Variants in CRACDL observed in about 807,000 individuals in gnomAD.
The protein encoded by CRACDL is CRACD-like protein.
In CRACDL, 26 loss-of-function variants were observed where a neutral mutation model predicts 70.6. The ratio of observed to expected loss-of-function variants is 0.37; its 90% confidence interval spans 0.27 to 0.51. The LOEUF is 0.51. Among genes scored for constraint, CRACDL ranks in the 20% least tolerant of loss-of-function variants. CRACDL has a pLI of 0.94. For missense variants in CRACDL, 1,283 were observed against 1,376.9 expected, an observed-to-expected ratio of 0.93 and a Z score of 1.08; for synonymous variants, 618 against 615.2, an observed-to-expected ratio of 1.00 and a Z score of -0.07.
In CRACDL at chr2:98,881,652, G is replaced by A. The variant is rs138410935; in HGVS notation, c.-10-34842C>T. On this transcript the variant is annotated intron_variant, in intron 1 of 9. Coordinates refer to ENST00000397899, the MANE Select transcript of CRACDL (RefSeq NM_207362.3). ...CATCAGGGGAGCCTTCAGCTGGGGC[G>A]CCATGTATATGCAAATGGGGCTCAC... Among the ~76,000 whole-genome samples, 1,134 of 152,286 alleles carry A rather than the reference G, an allele frequency of 7.4e-3. 5 individuals carry two copies. The highest frequency in any genetic ancestry group is 0.013 in the Non-Finnish European group (858 of 68,026).
Position 98,838,151 on chromosome 2 carries a change from C to T in CRACDL, c.207G>A (p.Gly69=), listed in dbSNP as rs1160464449. The T allele has an allele frequency of 6.2e-7, 1 of 1,613,312 alleles. No individual in the cohort carries two copies. Among genetic ancestry groups the T allele is most frequent in the African/African-American group, 1.3e-5 (1 of 74,872 alleles). ...CATCCTCGGAGTCGTAGCCCACTGG[C>T]CCGGATTCGATGGCAATGACCTCAT... ...TRNEVIAIES[G]PVGYDSEDEL... is the part of the protein sequence containing the mutation. Residue 69 remains glycine (G), a synonymous_variant, in exon 3 of 10, where the codon GGG becomes GGA. Transcript: ENST00000397899.
intron 7 of CRACDL, among the ~76,000 whole-genome samples, chr2:98,802,271 C>T (rs901297460): frequency 6.6e-6 from 1 of 152,254 alleles, no homozygotes; most frequent in Admixed American, 6.5e-5. Context: ...ACCGCAGTCC[C>T]GCTATCCACG....
chr2:98,795,092 T>TTTTTTTTTTA (rs1378998981), intron 9 of CRACDL, among the ~76,000 whole-genome samples: 1 of 134,300 alleles, frequency 7.4e-6, no homozygotes, highest in Non-Finnish European at 1.6e-5. Context: ...TTTTTTTTTT[T>TTTTTTTTTTA]GAGACAGAAG....
intron 1 of CRACDL, among the ~76,000 whole-genome samples, chr2:98,894,582 T>C (rs1479625951): frequency 6.6e-6 from 1 of 152,124 alleles, no homozygotes; most frequent in Non-Finnish European, 1.5e-5. Flanking sequence ...AATATATTTA[T>C]ATATACGCAA....
chr2:98,872,949 C>T (rs541525610), intron 1 of CRACDL, among the ~76,000 whole-genome samples: 33 of 152,322 alleles, frequency 2.2e-4, no homozygotes, highest in Non-Finnish European at 4.1e-4. Context: ...TTTCTGACTT[C>T]GCATGCATTT....
intron 7 of CRACDL, among the ~76,000 whole-genome samples, chr2:98,816,272 A>G (rs1704780047): frequency 6.6e-6 from 1 of 152,138 alleles, no homozygotes; most frequent in South Asian, 2.1e-4. Flanking sequence ...TTAGGGTTTT[A>G]TGACGTATCA....
At chr2:98,899,401 T>C (rs2104652423) in intron 1 of CRACDL, among the ~76,000 whole-genome samples, 1 of 151,812 alleles carries the variant, frequency 6.6e-6, no homozygotes, top group South Asian at 2.1e-4. Flanking sequence ...GTTGAAGGAG[T>C]CTCCACCAGA....
At chr2:98,805,801 A>G (rs1704266621) in intron 7 of CRACDL, among the ~76,000 whole-genome samples, 2 of 152,200 alleles carry the variant, frequency 1.3e-5, no homozygotes, top group Non-Finnish European at 2.9e-5. Flanking sequence ...AGGGCTCCTC[A>G]GCCGGCTCTC....
intron 7 of CRACDL, 105 bp downstream of exon 7, chr2:98,821,752 A>G: frequency 1.4e-6 from 2 of 1,390,444 alleles, no homozygotes; most frequent in Admixed American, 2.4e-5. Flanking sequence ...ATTCCCCTGC[A>G]ACAAAGTTTG....
intron 1 of CRACDL, among the ~76,000 whole-genome samples, chr2:98,882,711 CAG>C (rs1553398286): frequency 1.3e-5 from 2 of 152,168 alleles, no homozygotes; most frequent in African/African-American, 4.8e-5. Context: ...CCTGAGCAAA[CAG>C]GGGCTGGCTG....
chr2:98,932,253 G>C (rs1709096588), intron 1 of CRACDL, among the ~76,000 whole-genome samples: 1 of 152,184 alleles, frequency 6.6e-6, no homozygotes, highest in Non-Finnish European at 1.5e-5. Flanking sequence ...ACCAGGCCGG[G>C]CCGGCCTGTC....
intron 1 of CRACDL, among the ~76,000 whole-genome samples, chr2:98,883,651 C>T (rs1399549799): frequency 6.6e-6 from 1 of 152,138 alleles, no homozygotes; most frequent in African/African-American, 2.4e-5. Flanking sequence ...GTGCAACGAA[C>T]CAGAGATGAC....
chr2:98,855,772 GATT>G (rs1250418368), intron 1 of CRACDL, among the ~76,000 whole-genome samples: 1 of 152,114 alleles, frequency 6.6e-6, no homozygotes, highest in Non-Finnish European at 1.5e-5. Flanking sequence ...ATCAAATTGA[GATT>G]ATTAAAAGAG....
At chr2:98,901,892 C>A (rs1708291622) in intron 1 of CRACDL, among the ~76,000 whole-genome samples, 1 of 152,126 alleles carries the variant, frequency 6.6e-6, no homozygotes, top group Admixed American at 6.5e-5. Context: ...AACACAGCCC[C>A]TCCCCAAGAA....
intron 1 of CRACDL, among the ~76,000 whole-genome samples, chr2:98,911,850 G>A (rs763909167): frequency 2.0e-5 from 3 of 152,128 alleles, no homozygotes; most frequent in African/African-American, 4.8e-5. Context: ...TCTCTGCTCC[G>A]TGTGTGTTTC....
chr2:98,890,857 G>GAC lies in CRACDL; in HGVS notation c.-10-44049_-10-44048dup, dbSNP rs1376301043. Among the ~76,000 whole-genome samples the GAC allele has an allele frequency of 2.0e-5, 3 of 150,644 alleles. No homozygotes were observed. The East Asian group carries it at 5.9e-4, about 30-fold the overall frequency. On this transcript the variant is annotated intron_variant, in intron 1 of 9. Coordinates refer to ENST00000397899, the MANE Select transcript of CRACDL (RefSeq NM_207362.3). ...GGACCACCTGAGGTCAGTAGTTCGA[G>GAC]ACCAGCCTCGTCAACACGGTGAAAC...
At chr2:98,903,658 T>C (rs929419663) in intron 1 of CRACDL, among the ~76,000 whole-genome samples, 22 of 152,212 alleles carry the variant, frequency 1.4e-4, no homozygotes, top group Non-Finnish European at 8.8e-5. Context: ...TGTGCCAATA[T>C]ACCAATGATG....
At chr2:98,839,009 A>G (rs1173581312) in intron 2 of CRACDL, among the ~76,000 whole-genome samples, 1 of 152,234 alleles carries the variant, frequency 6.6e-6, no homozygotes, top group African/African-American at 2.4e-5. Context: ...GTTGCTCAGC[A>G]AAGTTCATTC....
intron 1 of CRACDL, among the ~76,000 whole-genome samples, chr2:98,928,924 T>G (rs1056413342): frequency 6.6e-6 from 1 of 152,164 alleles, no homozygotes; most frequent in Non-Finnish European, 1.5e-5. Context: ...CCCGTAGAAA[T>G]GATCACAGCT....
Sources: allele counts gnomAD v4.1 joint callset (sites outside exome capture counted in the v4.1 genomes callset), GRCh38; gene constraint gnomAD v4.1.1; transcripts MANE v1.5; gene names NCBI Gene and HGNC (gene_info 2026-07-23, HGNC 2026-07-21).